The following USP35 variants were observed in gnomAD, a reference collection of about 807,000 sequenced individuals.
USP35 encodes ubiquitin specific peptidase 35.
USP35 carries 69 observed loss-of-function variants against 83.8 expected under a neutral mutation model. The ratio of observed to expected loss-of-function variants is 0.82; its 90% confidence interval spans 0.68 to 1.01. USP35 has a LOEUF of 1.01. Ranked by LOEUF, USP35 falls within the 50% of genes least tolerant of loss-of-function variation. The pLI, the probability that USP35 is intolerant of heterozygous loss-of-function variation, is 0.00. For missense variants in USP35, 1,503 were observed against 1,362.5 expected (o/e 1.10, Z -1.62); for synonymous variants, 714 against 589.5 (o/e 1.21, Z -3.06).
chr11:78,236,317 A>T, the USP35 span, among the ~76,000 whole-genome samples: 26 of 152,298 alleles, frequency 1.7e-4, no homozygotes, highest in East Asian at 4.6e-3. Flanking sequence ...TCACTTAAAA[A>T]TTTTTTTGTT....
chr11:78,203,078 ATGGATTGTC>A (rs375160437), intron 6 of USP35, among the ~76,000 whole-genome samples: 1 of 152,246 alleles, frequency 6.6e-6, no homozygotes, highest in East Asian at 1.9e-4. Flanking sequence ...GTAGGGGCCC[ATGGATTGTC>A]TGATCAGGGG....
In USP35 at chr11:78,214,246, G is replaced by C. The variant is rs973832367; in HGVS notation, c.*433G>C. On this transcript the variant is annotated 3_prime_UTR_variant, in exon 11 of 11. Coordinates refer to ENST00000529308, the MANE Select transcript of USP35 (RefSeq NM_020798.4). ...AAGCCTTGCACAAAGGGGTGGGGGG[G>C]GCAGTGTCTCCTCTGGCTGTCCTGT... 6.9e-6 allele frequency: 1 copy of C among 145,962 alleles called. No homozygotes were observed. The highest frequency in any genetic ancestry group is 2.6e-5 in the African/African-American group (1 of 38,222). The allele number at this position is 145,962 out of a possible 1,614,324, so 9.0% of individuals were successfully genotyped here. A position where few individuals can be genotyped will look rare whatever the true frequency, so the allele number is the denominator to read the frequency against.
rs753638849 is a variant in USP35 at position 78,207,515 on chromosome 11, T to G, written c.1392-15T>G. ...GCCCATGGCTTACCCTGGGTGCCCCTGCTTTGTTTTGAAGCTTCAGACATT... is the reference window on the plus strand; with the variant it reads ...GCCCATGGCTTACCCTGGGTGCCCCGGCTTTGTTTTGAAGCTTCAGACATT... On this transcript the variant is annotated splice_polypyrimidine_tract_variant and intron_variant, in intron 7 of 10. Coordinates refer to ENST00000529308, the MANE Select transcript of USP35 (RefSeq NM_020798.4). 6.2e-7 allele frequency: 1 copy of G among 1,613,662 alleles called. No homozygotes were observed.
At chr11:78,213,055 T>G (rs1406435512) in intron 10 of USP35, among the ~76,000 whole-genome samples, 2 of 152,282 alleles carry the variant, frequency 1.3e-5, no homozygotes, top group South Asian at 2.1e-4. Context: ...TTGTGTTTTG[T>G]GCGGGGGAAT....
chr11:78,204,951 C>G (rs1863487839), intron 6 of USP35, among the ~76,000 whole-genome samples: 1 of 152,228 alleles, frequency 6.6e-6, no homozygotes, highest in Admixed American at 6.5e-5. Context: ...TTTTGAAGCT[C>G]TGTGGAGCCC....
Position 78,189,024 on chromosome 11 carries a change from C to T in USP35, c.-144C>T, listed in dbSNP as rs1488506835. ...GCAGTGGAAGCAGCATCTCTTCCGTCTGGGACCTGGCTGAGGGCGTCCCCA... is the reference window on the plus strand; with the variant it reads ...GCAGTGGAAGCAGCATCTCTTCCGTTTGGGACCTGGCTGAGGGCGTCCCCA... On this transcript the variant is annotated 5_prime_UTR_variant, in exon 1 of 11. Coordinates refer to ENST00000529308, the MANE Select transcript of USP35 (RefSeq NM_020798.4). 6.5e-6 allele frequency: 6 copies of T among 921,664 alleles called. No homozygotes were observed. Among genetic ancestry groups the T allele is most frequent in the African/African-American group, 3.6e-5 (2 of 55,976 alleles). The allele number at this position is 921,664 out of a possible 1,614,324, so 57.1% of individuals were successfully genotyped here.
chr11:78,213,663 C>T lies in USP35; in HGVS notation c.2907C>T (p.Ala969=). ...ILYLQEQEKE[A]RSRAAYISAL... ...GTTCCCAGGAGCAGGAGAAGGAGGC[C>T]CGGAGCAGGGCGGCCTACATCTCTG... Residue 969 remains alanine (A), a synonymous_variant, in exon 11 of 11, where the codon GCC becomes GCT. Coordinates refer to ENST00000529308, the MANE Select transcript of USP35 (RefSeq NM_020798.4). 1.3e-6 allele frequency: 2 copies of T among 1,496,556 alleles called. No homozygotes were observed. The highest frequency in any genetic ancestry group is 1.5e-5 in the African/African-American group (1 of 68,048). The allele number at this position is 1,496,556 out of a possible 1,614,324, so 92.7% of individuals were successfully genotyped here.
intron 1 of USP35, among the ~76,000 whole-genome samples, chr11:78,195,798 T>C (rs1487337613): frequency 1.3e-5 from 2 of 152,156 alleles, no homozygotes; most frequent in Non-Finnish European, 2.9e-5. Context: ...TGGGATGATC[T>C]CCACTCGCTG....
the USP35 span, among the ~76,000 whole-genome samples, chr11:78,231,010 G>A: frequency 6.6e-6 from 1 of 152,230 alleles, no homozygotes; most frequent in Non-Finnish European, 1.5e-5. Flanking sequence ...GCTTACAGAA[G>A]CCTTATAAAA....
intron 5 of USP35, 83 bp downstream of exon 5, chr11:78,200,317 G>GCC: frequency 6.7e-7 from 1 of 1,488,362 alleles, no homozygotes; most frequent in Non-Finnish European, 9.3e-7. Context: ...CCTGGTAAGG[G>GCC]CCCTGCCTGC....
the USP35 span, among the ~76,000 whole-genome samples, chr11:78,233,115 C>T: frequency 6.8e-6 from 1 of 147,622 alleles, no homozygotes; most frequent in African/African-American, 2.5e-5. Context: ...TCTCAGCTCA[C>T]TGCAACCTCC....
chr11:78,198,531 G>A, intron 3 of USP35: 3 of 816,804 alleles, frequency 3.7e-6, no homozygotes, highest in South Asian at 5.6e-5. Context: ...TGATCTAGAC[G>A]CACCTGCCTG....
At chr11:78,222,725 G>A in the USP35 span, among the ~76,000 whole-genome samples, 1 of 152,004 alleles carries the variant, frequency 6.6e-6, no homozygotes, top group Non-Finnish European at 1.5e-5. Flanking sequence ...TGGGACTATA[G>A]GCGCCTGCCA....
In USP35 at chr11:78,196,513, C is replaced by T; in HGVS notation, c.268C>T (p.Gln90Ter). ...FSARRVLRLL[Q>*]GGAGPPGPRA... ...CGCGCGTCGCGTGCTGCGCCTGCTG[C>T]AGGGTGGCGCCGGCCCCCCGGGCCC... The change falls in exon 2 of 11, where the codon CAG (glutamine) becomes TAG (stop). Residue 90 changes from glutamine (Q) to a stop codon, truncating the protein, a stop_gained. Coordinates refer to ENST00000529308, the MANE Select transcript of USP35 (RefSeq NM_020798.4). LOFTEE classifies it high-confidence loss of function. The surrounding 1 kb of genome is among the most constrained non-coding windows in gnomAD (Gnocchi z 4.8). 1 of 1,225,762 alleles carries T rather than the reference C, an allele frequency of 8.2e-7. No homozygotes were observed. Among genetic ancestry groups the T allele is most frequent in the Non-Finnish European group, 1.0e-6 (1 of 976,910 alleles). 75.9% of individuals were successfully genotyped at this position (1,225,762 alleles called of 1,614,324 possible).
At chr11:78,191,821 C>T (rs1335581921) in intron 1 of USP35, among the ~76,000 whole-genome samples, 2 of 151,328 alleles carry the variant, frequency 1.3e-5, no homozygotes, top group Admixed American at 1.3e-4. Flanking sequence ...AAAATAGACT[C>T]ATGACAGCCC....
At chr11:78,225,568 A>G in the USP35 span, among the ~76,000 whole-genome samples, 1 of 152,196 alleles carries the variant, frequency 6.6e-6, no homozygotes, top group Non-Finnish European at 1.5e-5. Context: ...TATTTTCCCA[A>G]TGAGATGTAA....
In USP35 at chr11:78,207,568, C is replaced by T. The variant is rs751067569; in HGVS notation, c.1430C>T (p.Ser477Leu). 4.3e-6 allele frequency: 7 copies of T among 1,614,182 alleles called. No homozygotes were observed. The highest frequency in any genetic ancestry group is 5.9e-6 in the Non-Finnish European group (7 of 1,180,020). The stretch of plus-strand genomic sequence containing the variant: ...GTGCTCCGCTTGACTGAGAACAACT[C>T]ACAGCCCCTGATGACCAAGCTGCAG... ...HCVLRLTENN[S>L]QPLMTKLQWL... Residue 477 changes from serine (S) to leucine (L), a missense_variant, in exon 8 of 11, where the codon TCA (serine) becomes TTA (leucine). By Grantham distance (145) the Ser-to-Leu change is moderately radical (BLOSUM62 -2). Coordinates refer to ENST00000529308, the MANE Select transcript of USP35 (RefSeq NM_020798.4).
At chr11:78,231,052 G>A in the USP35 span, among the ~76,000 whole-genome samples, 52 of 152,318 alleles carry the variant, frequency 3.4e-4, no homozygotes, top group African/African-American at 1.2e-3. Flanking sequence ...CATATCACAT[G>A]TGATCTCATT....
chr11:78,227,512 G>A, the USP35 span, among the ~76,000 whole-genome samples: 1 of 151,938 alleles, frequency 6.6e-6, no homozygotes. Context: ...TTTGGGTCAG[G>A]TGCAGTGTGC....
Sources: allele counts gnomAD v4.1 joint callset (sites outside exome capture counted in the v4.1 genomes callset), GRCh38; gene constraint gnomAD v4.1.1; non-coding constraint Gnocchi (gnomAD v3.1); transcripts MANE v1.5; gene names NCBI Gene and HGNC (gene_info 2026-07-23, HGNC 2026-07-21).